ADAMTS9: variants seen among roughly 807,000 people sequenced by gnomAD.
ADAMTS9 encodes ADAM metallopeptidase with thrombospondin type 1 motif 9.
In ADAMTS9, 107 loss-of-function variants were observed where a neutral mutation model predicts 257.1. That is an observed-to-expected ratio of 0.42 (90% CI 0.36 to 0.49). ADAMTS9 has a LOEUF of 0.49. ADAMTS9 is among the 20% of genes least tolerant of loss of function. ADAMTS9 has a pLI of 0.03. For missense variants in ADAMTS9, 2,353 were observed against 2,469.1 expected, an observed-to-expected ratio of 0.95 and a Z score of 1.00; for synonymous variants, 982 against 880.9, an observed-to-expected ratio of 1.11 and a Z score of -2.03.
At chr3:64,609,659 A>G (rs955661127) in intron 22 of ADAMTS9, among the ~76,000 whole-genome samples, 75 of 152,348 alleles carry the variant, frequency 4.9e-4, no homozygotes, top group African/African-American at 1.7e-3. Flanking sequence ...AAGATATTAC[A>G]TGTCTATGGA....
intron 28 of ADAMTS9, chr3:64,582,814 T>G (rs2084040027): frequency 6.6e-6 from 1 of 152,194 alleles, no homozygotes; most frequent in Admixed American, 6.5e-5. Context: ...CTTTATGTAC[T>G]GCTGTCTTAG....
rs764397346 is a variant in ADAMTS9, at chr3:64,572,242, G to C, written c.4357-3707C>G. Reference sequence around the variant, plus strand: ...GGTATTCAGGCTTTTGTTTCTGTTGGGTGGCTTGAAGGGGATGTTGAAATG... The same window carrying C: ...GGTATTCAGGCTTTTGTTTCTGTTGCGTGGCTTGAAGGGGATGTTGAAATG... On this transcript the variant is annotated intron_variant, in intron 28 of 39. Transcript: ENST00000498707. Among the ~76,000 whole-genome samples, 5 of 152,148 alleles carry C rather than the reference G, an allele frequency of 3.3e-5. No individual in the cohort carries two copies. In the South Asian group the frequency reaches 8.3e-4, roughly 25 times the overall value.
At chr3:64,658,220 G>T (rs1042862856) in intron 4 of ADAMTS9, among the ~76,000 whole-genome samples, 5 of 152,176 alleles carry the variant, frequency 3.3e-5, no homozygotes, top group African/African-American at 4.8e-5. Context: ...TATAAAATGG[G>T]CATGATTGAT....
At position 64,645,530 on chromosome 3, in the gene ADAMTS9, A is replaced by G. The variant is rs78068148; in HGVS notation, c.1710+2410T>C. Among the ~76,000 whole-genome samples the G allele has an allele frequency of 7.6e-3, 1,163 of 152,332 alleles. 10 individuals are homozygous for G. Among genetic ancestry groups the G allele is most frequent in the African/African-American group, 0.027 (1,123 of 41,566 alleles). Reference sequence around the variant, plus strand: ...AGGCAGAATGTGCTAGCATATAGAGAAAAGGCACATACTGGCAACTCTATG... The same window carrying G: ...AGGCAGAATGTGCTAGCATATAGAGGAAAGGCACATACTGGCAACTCTATG... On this transcript the variant is annotated intron_variant, in intron 11 of 39. Transcript: ENST00000498707.
Position 64,684,222 on chromosome 3 carries a change from G to C in ADAMTS9, c.516+2346C>G, listed in dbSNP as rs567208681. On this transcript the variant is annotated intron_variant, in intron 2 of 39. Transcript: ENST00000498707. ...TAAATGCCAAATGGAGTTAGCGATC[G>C]AGGAGAAAGACTGGAGAAGAAGCCC... is the stretch of plus-strand genomic sequence containing the variant. Among the ~76,000 whole-genome samples the C allele has an allele frequency of 1.1e-4, 16 of 152,266 alleles. No homozygotes were observed. The East Asian group carries it at 3.1e-3, about 29-fold the overall frequency.
rs1485905946 is a variant in ADAMTS9, at chr3:64,687,123, C to T, written c.116-155G>A. 6.6e-6 allele frequency among the ~76,000 whole-genome samples: 1 copy of T among 152,176 alleles called. No homozygotes were observed. On this transcript the variant is annotated intron_variant, in intron 1 of 39. Transcript: ENST00000498707. The surrounding 1 kb of genome is among the most constrained non-coding windows in gnomAD (Gnocchi z 4.4). ...CAGTGGACAAATATTTGCTGAGCAC[C>T]TACTATGTGCCAGTAACAGGACCTG...
chr3:64,655,469 C>T, intron 6 of ADAMTS9, 107 bp downstream of exon 6: 1 of 915,056 alleles, frequency 1.1e-6, no homozygotes, highest in Admixed American at 2.0e-5. Flanking sequence ...TCAACAGTGC[C>T]TAAGCTGAGA....
chr3:64,655,458 G>T, intron 6 of ADAMTS9, 118 bp downstream of exon 6: 1 of 810,102 alleles, frequency 1.2e-6, no homozygotes, highest in Non-Finnish European at 2.0e-6. Context: ...AGCCCAAAAT[G>T]TCAACAGTGC....
At chr3:64,615,241 G>C (rs1056961315) in intron 21 of ADAMTS9, 80 bp downstream of exon 21, 7 of 1,490,394 alleles carry the variant, frequency 4.7e-6, no homozygotes, top group Non-Finnish European at 6.4e-6. Flanking sequence ...GTGCACAAGG[G>C]TTTGTCTTAA....
At chr3:64,603,253 T>G (rs1010538252) in intron 25 of ADAMTS9, among the ~76,000 whole-genome samples, 3 of 152,160 alleles carry the variant, frequency 2.0e-5, no homozygotes, top group Non-Finnish European at 4.4e-5. Flanking sequence ...AGAGCTCTGT[T>G]TCATTGCACC....
intron 28 of ADAMTS9, among the ~76,000 whole-genome samples, chr3:64,578,726 G>A (rs574891955): frequency 2.0e-5 from 3 of 152,182 alleles, no homozygotes; most frequent in Admixed American, 6.5e-5. Flanking sequence ...CATTTTAATC[G>A]GTGGCAACTC....
At chr3:64,640,648 T>G (rs1315099126) in intron 12 of ADAMTS9, among the ~76,000 whole-genome samples, 1 of 152,236 alleles carries the variant, frequency 6.6e-6, no homozygotes, top group African/African-American at 2.4e-5. Flanking sequence ...ATAGACTTCT[T>G]GGTTCCCAGC....
Position 64,654,461 on chromosome 3 carries a change from AT to A in ADAMTS9, c.1211-4del. ...AATGGTTCCCAGTTCAGCCAGGCCT[AT>A]TAGAAGGAAAAAAACCAACAAGGAT... On this transcript the variant is annotated splice_polypyrimidine_tract_variant and splice_region_variant and intron_variant, in intron 7 of 39. Coordinates refer to ENST00000498707, the MANE Select transcript of ADAMTS9 (RefSeq NM_182920.2). The A allele has an allele frequency of 6.2e-7, 1 of 1,613,778 alleles. No individual in the cohort carries two copies. Among genetic ancestry groups the A allele is most frequent in the Non-Finnish European group, 8.5e-7 (1 of 1,179,920 alleles).
At chr3:64,655,958 C>T in intron 4 of ADAMTS9, 83 bp from the exon 5 acceptor site, 1 of 790,930 alleles carries the variant, frequency 1.3e-6, no homozygotes. Flanking sequence ...TGGGCTCCAC[C>T]TCTTTTTTAC....
intron 38 of ADAMTS9, among the ~76,000 whole-genome samples, chr3:64,525,634 G>C (rs1575977229): frequency 6.6e-6 from 1 of 151,828 alleles, no homozygotes; most frequent in South Asian, 2.1e-4. Flanking sequence ...TTTTGAGACA[G>C]AGTCTTGCTC....
intron 27 of ADAMTS9, among the ~76,000 whole-genome samples, chr3:64,596,477 A>G (rs2084365909): frequency 6.6e-6 from 1 of 151,564 alleles, no homozygotes. Context: ...TAACACAAAC[A>G]CCCCAAAACT....
chr3:64,604,132 G>A, intron 24 of ADAMTS9, 43 bp from the exon 25 acceptor site: 1 of 1,610,094 alleles, frequency 6.2e-7, no homozygotes, highest in Non-Finnish European at 8.5e-7. Context: ...TACGTGGAAT[G>A]GCTGCTTACT....
chr3:64,632,011 A>C, intron 14 of ADAMTS9, 86 bp from the exon 15 acceptor site: 16 of 1,003,240 alleles, frequency 1.6e-5, no homozygotes, highest in Non-Finnish European at 2.3e-5. Flanking sequence ...AATCGTGTGC[A>C]CTAAAAATGA....
chr3:64,546,989 G>T (rs1221175704), intron 31 of ADAMTS9, 37 bp from the exon 32 acceptor site: 1 of 1,571,514 alleles, frequency 6.4e-7, no homozygotes, highest in Non-Finnish European at 8.6e-7. Context: ...GGTTCGAGCA[G>T]TTCCTGGGGG....
Sources: allele counts gnomAD v4.1 joint callset (sites outside exome capture counted in the v4.1 genomes callset), GRCh38; gene constraint gnomAD v4.1.1; non-coding constraint Gnocchi (gnomAD v3.1); transcripts MANE v1.5; gene names NCBI Gene and HGNC (gene_info 2026-07-23, HGNC 2026-07-21).